The following AFF3 variants were observed in gnomAD, a reference collection of about 807,000 sequenced individuals.
AFF3 encodes AF4/FMR2 family member 3.
In AFF3, 32 loss-of-function variants were observed where a neutral mutation model predicts 129.7. That is an observed-to-expected ratio of 0.25 (90% CI 0.19 to 0.33). The LOEUF (loss-of-function observed/expected upper bound fraction) is 0.33. AFF3 is among the 10% of genes least tolerant of loss of function. The probability of loss-of-function intolerance (pLI) is 1.00; values close to 1 mark genes in which losing one functional copy is unlikely to be tolerated. For missense variants in AFF3, 1,373 were observed against 1,592.0 expected (o/e 0.86, Z 2.34); for synonymous variants, 644 against 635.4 (o/e 1.01, Z -0.20).
chr2:99,564,439 T>C (rs148422820), intron 20 of AFF3, among the ~76,000 whole-genome samples: 1 of 152,236 alleles, frequency 6.6e-6, no homozygotes, highest in Non-Finnish European at 1.5e-5. Context: ...ATGTGCCATA[T>C]AAAAAGACAG....
chr2:100,042,211 C>T (rs1424762209), intron 4 of AFF3, among the ~76,000 whole-genome samples: 1 of 152,204 alleles, frequency 6.6e-6, no homozygotes, highest in Non-Finnish European at 1.5e-5. Context: ...CCCGAAACCT[C>T]CGTGCAGTAG....
At chr2:99,903,726 G>C (rs940329504) in intron 7 of AFF3, among the ~76,000 whole-genome samples, 1 of 152,032 alleles carries the variant, frequency 6.6e-6, no homozygotes, top group Non-Finnish European at 1.5e-5. Context: ...TCAGGTCTGG[G>C]GTATCTTAAT....
chr2:99,975,890 GAA>G (rs1317142442), intron 7 of AFF3, among the ~76,000 whole-genome samples: 1 of 123,680 alleles, frequency 8.1e-6, no homozygotes, highest in Non-Finnish European at 1.7e-5. Flanking sequence ...AAAGAAAAAA[GAA>G]AAAGAGAAAA....
At position 99,964,658 on chromosome 2, in the gene AFF3, G is replaced by C. The variant is rs149426226; in HGVS notation, c.873+41974C>G. On this transcript the variant is annotated intron_variant, in intron 7 of 24. Transcript: ENST00000672756. ...TACTAAATGCCTACATTAGAATGAG[G>C]AACTTCTAAAGTATTACATGCAAAA... Among the ~76,000 whole-genome samples, 274 of 152,186 alleles carry C rather than the reference G, an allele frequency of 1.8e-3. 2 individuals carry two copies. Among genetic ancestry groups the C allele is most frequent in the African/African-American group, 6.2e-3 (257 of 41,532 alleles).
intron 8 of AFF3, among the ~76,000 whole-genome samples, chr2:99,786,746 G>T (rs1684823229): frequency 6.6e-6 from 1 of 152,052 alleles, no homozygotes; most frequent in Non-Finnish European, 1.5e-5. Flanking sequence ...AAAATATTTA[G>T]AGGATTCGGG....
At chr2:100,048,289 T>A (rs952276375) in intron 4 of AFF3, among the ~76,000 whole-genome samples, 2 of 152,226 alleles carry the variant, frequency 1.3e-5, no homozygotes, top group Non-Finnish European at 2.9e-5. Flanking sequence ...ATGGGACTTG[T>A]TAATGCCATT....
chr2:99,593,511 C>T lies in AFF3; in HGVS notation c.2150G>A (p.Ser717Asn), dbSNP rs199867516. ...RLKEAAANGG[S>N]GPRAPVGSIN... is the part of the protein sequence containing the mutation. ...GGAGCCTACAGGGGCCCTAGGACCA[C>T]TGCCCCCGTTGGCAGCGGCCTCCTT... The change falls in exon 15 of 25, where the codon AGT (serine) becomes AAT (asparagine). Residue 717 changes from serine to asparagine, a missense_variant. By Grantham distance (46) the Ser-to-Asn change is conservative. This residue lies in a region of AFF3 where 466 missense variants were observed against 505.0 expected (regional missense o/e 0.92). Transcript: ENST00000672756. 70 of 1,613,302 alleles carry T rather than the reference C, an allele frequency of 4.3e-5. No homozygotes were observed. The highest frequency in any genetic ancestry group is 8.3e-5 in the Admixed American group (5 of 60,004).
At chr2:100,022,425 G>A (rs965247958) in intron 4 of AFF3, among the ~76,000 whole-genome samples, 3 of 150,590 alleles carry the variant, frequency 2.0e-5, no homozygotes, top group Non-Finnish European at 4.4e-5. Context: ...CTTTTTTTTC[G>A]GGGGAGACAG....
intron 4 of AFF3, among the ~76,000 whole-genome samples, chr2:100,072,599 AC>A (rs1380956212): frequency 3.9e-5 from 6 of 152,102 alleles, no homozygotes; most frequent in Admixed American, 1.3e-4. Flanking sequence ...AAAGCCTGCA[AC>A]CCCAGAGAAA....
chr2:99,685,233 C>A (rs1417107964), intron 11 of AFF3, among the ~76,000 whole-genome samples: 1 of 152,296 alleles, frequency 6.6e-6, no homozygotes, highest in East Asian at 1.9e-4. Flanking sequence ...GAGCCACCCC[C>A]CTGGCCTTTC....
chr2:99,655,942 T>C (rs1291188623), intron 12 of AFF3, among the ~76,000 whole-genome samples: 1 of 152,072 alleles, frequency 6.6e-6, no homozygotes, highest in African/African-American at 2.4e-5. Context: ...AGGTGACTGA[T>C]TGGATGTGGC....
chr2:99,614,069 T>C (rs908707741), intron 13 of AFF3, among the ~76,000 whole-genome samples: 1 of 152,086 alleles, frequency 6.6e-6, no homozygotes, highest in African/African-American at 2.4e-5. Context: ...TTGAGCCGAT[T>C]TGGAAAAGGT....
At position 99,708,980 on chromosome 2, in the gene AFF3, A is replaced by G. The variant is rs1677658556; in HGVS notation, c.1091+18097T>C. Among the ~76,000 whole-genome samples, 7 of 152,342 alleles carry G rather than the reference A, an allele frequency of 4.6e-5. No individual in the cohort carries two copies. The South Asian group carries it at 1.4e-3, about 32-fold the overall frequency. ...GGACTTTAAATTCTTAATTCAATTCAAAGAATAATACAAGATAGGTGAAGA... is the reference window on the plus strand; with the variant it reads ...GGACTTTAAATTCTTAATTCAATTCGAAGAATAATACAAGATAGGTGAAGA... On this transcript the variant is annotated intron_variant, in intron 11 of 24. Transcript: ENST00000672756.
In AFF3 at chr2:99,915,391, T is replaced by G. The variant is rs186653628; in HGVS notation, c.874-77867A>C. The stretch of plus-strand genomic sequence containing the variant: ...TCACTACACGTTATTTATATAAACA[T>G]ACAAATGTAATAAAAGCCATACAAA... On this transcript the variant is annotated intron_variant, in intron 7 of 24. Transcript: ENST00000672756. Among the ~76,000 whole-genome samples, 443 of 152,246 alleles carry G rather than the reference T, an allele frequency of 2.9e-3. 2 individuals carry two copies. Among genetic ancestry groups the G allele is most frequent in the Middle Eastern group, 6.8e-3 (2 of 294 alleles).
chr2:100,117,712 T>G (rs59914547), intron 2 of AFF3, among the ~76,000 whole-genome samples: 1,605 of 152,330 alleles, frequency 0.011, 28 homozygotes, highest in African/African-American at 0.035. Flanking sequence ...AACAGTAATA[T>G]GCAAAAACAT....
chr2:99,785,083 T>TC (rs1382055088), intron 8 of AFF3, among the ~76,000 whole-genome samples: 1 of 152,190 alleles, frequency 6.6e-6, no homozygotes, highest in Non-Finnish European at 1.5e-5. Flanking sequence ...CTCATTTATA[T>TC]CCCTGCTTGT....
At chr2:99,639,637 G>C (rs1022861400) in intron 13 of AFF3, among the ~76,000 whole-genome samples, 1 of 151,914 alleles carries the variant, frequency 6.6e-6, no homozygotes, top group Admixed American at 6.6e-5. Context: ...TAGCTGGAAA[G>C]GTGTCAGGAT....
rs113936287 is a variant in AFF3 at position 99,968,243 on chromosome 2, C to T, written c.873+38389G>A. On this transcript the variant is annotated intron_variant, in intron 7 of 24. Coordinates refer to ENST00000672756, the MANE Select transcript of AFF3 (RefSeq NM_001386135.1). ...GTTCTTCTGGCCTCATGCTTTAGTG[C>T]CTCCCACTTGCTCAACTTGGTCAGC... is the stretch of plus-strand genomic sequence containing the variant. 5.7e-3 allele frequency among the ~76,000 whole-genome samples: 864 copies of T among 152,284 alleles called. 8 individuals are homozygous for T. The highest frequency in any genetic ancestry group is 0.02 in the African/African-American group (834 of 41,564).
intron 7 of AFF3, among the ~76,000 whole-genome samples, chr2:99,949,241 A>G (rs925569263): frequency 2.6e-5 from 4 of 152,180 alleles, no homozygotes; most frequent in Admixed American, 6.5e-5. Context: ...TCCATTTAGG[A>G]TATTTTATTG....
Sources: gnomAD v4.1 joint callset for allele counts (sites outside exome capture counted in the v4.1 genomes callset) on GRCh38, gnomAD v4.1.1 for gene constraint, gnomAD v4.1.1 regional missense constraint, MANE v1.5 for transcripts, NCBI Gene and HGNC (gene_info 2026-07-23, HGNC 2026-07-21) for gene names.